Variants in ERLIN1 observed in about 807,000 individuals in gnomAD.
ERLIN1 encodes the protein ER lipid raft associated 1, also known as erlin-1.
ERLIN1 carries 24 observed loss-of-function variants against 46.9 expected under a neutral mutation model. That is an observed-to-expected ratio of 0.51 (90% CI 0.37 to 0.72). The LOEUF (loss-of-function observed/expected upper bound fraction) is 0.72, where lower values mean the gene tolerates loss of function less well. Among genes scored for constraint, ERLIN1 ranks in the 30% least tolerant of loss-of-function variants. The pLI is 0.00. For missense variants in ERLIN1, 293 were observed against 417.9 expected (o/e 0.70, Z 2.61); for synonymous variants, 158 against 143.2 (o/e 1.10, Z -0.74).
chr10:100,174,273 CTA>C lies in ERLIN1; in HGVS notation c.437_438del (p.Ile146ArgfsTer2). 6.4e-7 allele frequency: 1 copy of C among 1,556,842 alleles called. No individual in the cohort carries two copies. Among genetic ancestry groups the C allele is most frequent in the Non-Finnish European group, 8.7e-7 (1 of 1,148,748 alleles). On this transcript the variant is annotated frameshift_variant, in exon 6 of 11. Transcript: ENST00000421367. LOFTEE classifies it high-confidence loss of function. ...QEVYIELFDQ[I>X]DENLKQALQK... The stretch of plus-strand genomic sequence containing the variant: ...TGCAGAGCTTGCTTCAGGTTTTCAT[CTA>C]TTTGATCTGTTTTTTAAGCCAAGAA...
At chr10:100,178,360 T>C (rs918212621) in intron 3 of ERLIN1, among the ~76,000 whole-genome samples, 166 bp from the exon 4 acceptor site, 11 of 152,250 alleles carry the variant, frequency 7.2e-5, no homozygotes, top group Non-Finnish European at 1.6e-4. Flanking sequence ...TAGATGTCAA[T>C]GTCTTTTTTA....
At chr10:100,168,052 T>C (rs1248900910) in intron 6 of ERLIN1, among the ~76,000 whole-genome samples, 1 of 152,248 alleles carries the variant, frequency 6.6e-6, no homozygotes, top group Non-Finnish European at 1.5e-5. Flanking sequence ...TCCCTAATCA[T>C]AGTGTTCTTT....
chr10:100,179,844 C>T (rs1358649597), intron 2 of ERLIN1, among the ~76,000 whole-genome samples: 1 of 152,204 alleles, frequency 6.6e-6, no homozygotes, highest in Non-Finnish European at 1.5e-5. Flanking sequence ...AGTCCCTTAC[C>T]TGCCTGGAGC....
At position 100,183,759 on chromosome 10, in the gene ERLIN1, C is replaced by T; in HGVS notation, c.192G>A (p.Val64=). The change falls in exon 2 of 11, where the codon GTG becomes GTA. Residue 64 remains valine (V), a synonymous_variant. Transcript: ENST00000421367. ...MLPFITTFRS[V]QTTLQTDEVK... Reference sequence around the variant, plus strand: ...GCTTCCCCTAGGAATCACTCACCTGCACAGATCTGAACGTAGTAATGAAAG... The same window carrying T: ...GCTTCCCCTAGGAATCACTCACCTGTACAGATCTGAACGTAGTAATGAAAG... 1 of 1,610,502 alleles carries T rather than the reference C, an allele frequency of 6.2e-7. No homozygotes were observed. Among genetic ancestry groups the T allele is most frequent in the Non-Finnish European group, 8.5e-7 (1 of 1,176,920 alleles).
chr10:100,154,468 G>T (rs969070246), intron 10 of ERLIN1, among the ~76,000 whole-genome samples: 2 of 152,156 alleles, frequency 1.3e-5, no homozygotes, highest in African/African-American at 4.8e-5. Context: ...CTTCAACAAT[G>T]AAAAAGTATC....
At chr10:100,168,808 T>C (rs1206349918) in intron 6 of ERLIN1, among the ~76,000 whole-genome samples, 1 of 152,044 alleles carries the variant, frequency 6.6e-6, no homozygotes, top group Non-Finnish European at 1.5e-5. Context: ...GCCTCCTTAG[T>C]TGCTGGGATT....
At chr10:100,177,340 G>GA (rs1844369624) in intron 4 of ERLIN1, among the ~76,000 whole-genome samples, 2 of 152,206 alleles carry the variant, frequency 1.3e-5, no homozygotes, top group South Asian at 4.1e-4. Flanking sequence ...CTTACTCTCT[G>GA]AAAAATATAA....
At chr10:100,178,220 A>C in intron 3 of ERLIN1, 26 bp from the exon 4 acceptor site, 3 of 1,477,450 alleles carry the variant, frequency 2.0e-6, no homozygotes, top group African/African-American at 1.4e-5. Flanking sequence ...AAAAGTGTGA[A>C]CTACTAAAGG....
chr10:100,165,258 A>G lies in ERLIN1; in HGVS notation c.564-1163T>C, dbSNP rs544604183. Among the ~76,000 whole-genome samples, 5 of 152,344 alleles carry G rather than the reference A, an allele frequency of 3.3e-5. No homozygotes were observed. The East Asian group carries it at 9.6e-4, about 29-fold the overall frequency. ...GTAACTCCAATAGTTTCCCCAAAACACTTCCCCTCAAAGTTTCCCCTTTCC... is the reference window on the plus strand; with the variant it reads ...GTAACTCCAATAGTTTCCCCAAAACGCTTCCCCTCAAAGTTTCCCCTTTCC... On this transcript the variant is annotated intron_variant, in intron 7 of 10. Coordinates refer to ENST00000421367, the MANE Select transcript of ERLIN1 (RefSeq NM_006459.4).
At chr10:100,167,228 A>G in intron 7 of ERLIN1, 120 bp downstream of exon 7, 2 of 727,326 alleles carry the variant, frequency 2.7e-6, no homozygotes, top group Non-Finnish European at 4.8e-6. Context: ...GTAAGAGTAA[A>G]GAAGATAAGA....
chr10:100,183,863 A>G (rs1429561821), intron 1 of ERLIN1, 26 bp from the exon 2 acceptor site: 1 of 1,509,594 alleles, frequency 6.6e-7, no homozygotes, highest in Admixed American at 1.7e-5. Context: ...TCAATTTGAC[A>G]AAATTATAAA....
rs764788418 is a variant in ERLIN1 at position 100,156,242 on chromosome 10, C to T, written c.656-8G>A. The T allele has an allele frequency of 9.4e-6, 15 of 1,589,848 alleles. No homozygotes were observed. The highest frequency in any genetic ancestry group is 6.9e-6 in the Non-Finnish European group (8 of 1,159,264). On this transcript the variant is annotated splice_polypyrimidine_tract_variant and splice_region_variant and intron_variant, in intron 8 of 10. Transcript: ENST00000421367. ...GTGCAATCTTCTCTGCTTCTATAAT[C>T]ATACAACATAAGAAGACACATTCAA...
In ERLIN1 at chr10:100,164,115, A is replaced by G. The variant is rs978291160; in HGVS notation, c.564-20T>C. 1.3e-6 allele frequency: 2 copies of G among 1,529,478 alleles called. No homozygotes were observed. The highest frequency in any genetic ancestry group is 1.8e-6 in the Non-Finnish European group (2 of 1,107,558). The allele number at this position is 1,529,478 out of a possible 1,614,324, so 94.7% of individuals were successfully genotyped here. On this transcript the variant is annotated intron_variant, in intron 7 of 10. Transcript: ENST00000421367. ...GCCTCCCTGTGAAGCAAAATGTTAT[A>G]AAAATTAGAAATGATTCTCCTATGT...
At chr10:100,177,636 A>C (rs1462045114) in intron 4 of ERLIN1, among the ~76,000 whole-genome samples, 3 of 152,192 alleles carry the variant, frequency 2.0e-5, no homozygotes, top group Non-Finnish European at 4.4e-5. Context: ...CAGGGCTTCT[A>C]ATTAAGTTTT....
chr10:100,165,190 C>T (rs756365272), intron 7 of ERLIN1, among the ~76,000 whole-genome samples: 25 of 152,064 alleles, frequency 1.6e-4, no homozygotes, highest in Non-Finnish European at 2.9e-4. Context: ...TCTGGAATTC[C>T]AATAGTCCAT....
Position 100,169,936 on chromosome 10 carries a change from T to G in ERLIN1, c.505-2530A>C, listed in dbSNP as rs527906422. Among the ~76,000 whole-genome samples the G allele has an allele frequency of 2.9e-3, 436 of 152,278 alleles. 4 individuals carry two copies. Among genetic ancestry groups the G allele is most frequent in the African/African-American group, 0.01 (425 of 41,566 alleles). On this transcript the variant is annotated intron_variant, in intron 6 of 10. Transcript: ENST00000421367. ...GGGAGGCTAAGGCAGGAGAATCACTTGAGCCCAGGAGTTCAAGGCTGCAGT... is the reference window on the plus strand; with the variant it reads ...GGGAGGCTAAGGCAGGAGAATCACTGGAGCCCAGGAGTTCAAGGCTGCAGT...
chr10:100,160,243 TTAAC>T (rs1211676964), intron 8 of ERLIN1, among the ~76,000 whole-genome samples: 7 of 152,088 alleles, frequency 4.6e-5, no homozygotes, highest in Admixed American at 1.3e-4. Flanking sequence ...AATCAATAGA[TTAAC>T]TGTTACCACA....
intron 8 of ERLIN1, among the ~76,000 whole-genome samples, chr10:100,158,693 C>A (rs1005248799): frequency 6.6e-6 from 1 of 151,984 alleles, no homozygotes; most frequent in Non-Finnish European, 1.5e-5. Context: ...AAATACTACG[C>A]AATAATAAAA....
chr10:100,174,126 T>C (rs1844158808), intron 6 of ERLIN1, 82 bp downstream of exon 6: 3 of 860,702 alleles, frequency 3.5e-6, no homozygotes, highest in Admixed American at 4.7e-5. Context: ...AAATAATTGC[T>C]GAATAAAACA....
Sources: gnomAD v4.1 joint callset for allele counts (sites outside exome capture counted in the v4.1 genomes callset) on GRCh38, gnomAD v4.1.1 for gene constraint, MANE v1.5 for transcripts, NCBI Gene and HGNC (gene_info 2026-07-23, HGNC 2026-07-21) for gene names.